The following TFEC variants were observed in gnomAD, a reference collection of about 807,000 sequenced individuals.
The protein encoded by TFEC is transcription factor EC.
In TFEC, 31 loss-of-function variants were observed where a neutral mutation model predicts 41.6. The observed-to-expected ratio is 0.74, with a 90% CI of 0.56 to 1.01. The LOEUF is 1.01. Ranked by LOEUF, TFEC falls within the 50% of genes least tolerant of loss-of-function variation. The pLI, the probability that TFEC is intolerant of heterozygous loss-of-function variation, is 0.00. For synonymous variants in TFEC, 143 were observed against 140.6 expected (o/e 1.02, Z -0.12); for missense variants, 402 against 404.1 (o/e 0.99, Z 0.04).
chr7:115,965,130 T>C (rs566526990), intron 3 of TFEC, among the ~76,000 whole-genome samples: 7 of 151,846 alleles, frequency 4.6e-5, no homozygotes, highest in African/African-American at 1.7e-4. Flanking sequence ...GACGTTGATA[T>C]GAAAGTAATT....
chr7:116,125,143 A>C (rs1798184222), intron 1 of TFEC, among the ~76,000 whole-genome samples: 1 of 152,194 alleles, frequency 6.6e-6, no homozygotes, highest in Admixed American at 6.5e-5. Flanking sequence ...AGAAATGGAC[A>C]GCAGGTACCT....
At chr7:116,061,860 T>C (rs1482313971) in intron 3 of TFEC, among the ~76,000 whole-genome samples, 1 of 152,094 alleles carries the variant, frequency 6.6e-6, no homozygotes, top group Non-Finnish European at 1.5e-5. Flanking sequence ...ATTAGGGAAA[T>C]GCAATTTAAA....
chr7:116,151,238 A>AT (rs5886809), intron 1 of TFEC, among the ~76,000 whole-genome samples: 2,477 of 120,112 alleles, frequency 0.021, 69 homozygotes, highest in South Asian at 0.042. Context: ...ATTATGTCAG[A>AT]TTTTTTTTTT....
intron 7 of TFEC, chr7:115,941,611 A>ATG (rs1489217681): frequency 5.4e-6 from 2 of 372,948 alleles, no homozygotes; most frequent in Non-Finnish European, 9.5e-6. Context: ...GTCATTATAT[A>ATG]TGTGTATATA....
chr7:116,153,644 A>C (rs758744252), intron 1 of TFEC, among the ~76,000 whole-genome samples: 2 of 152,116 alleles, frequency 1.3e-5, no homozygotes, highest in African/African-American at 2.4e-5. Flanking sequence ...GTAGTAATTA[A>C]CAATAATTGG....
At chr7:116,095,385 C>G (rs1797427319) in intron 3 of TFEC, among the ~76,000 whole-genome samples, 1 of 152,156 alleles carries the variant, frequency 6.6e-6, no homozygotes, top group Non-Finnish European at 1.5e-5. Flanking sequence ...GACATTGTAG[C>G]AAATGTGCTA....
At chr7:115,984,644 C>T (rs1793774754) in intron 1 of TFEC, 131 bp from the exon 2 acceptor site, 1 of 1,085,790 alleles carries the variant, frequency 9.2e-7, no homozygotes, top group African/African-American at 1.6e-5. Flanking sequence ...ATCTATCGTC[C>T]ATACTTCTGT....
chr7:116,044,257 C>T (rs1404910149), intron 3 of TFEC, among the ~76,000 whole-genome samples: 1 of 152,104 alleles, frequency 6.6e-6, no homozygotes, highest in East Asian at 1.9e-4. Flanking sequence ...ATGGCCAGAG[C>T]AAGTCTTATA....
At chr7:116,054,466 A>G (rs573965531) in intron 3 of TFEC, among the ~76,000 whole-genome samples, 4 of 152,326 alleles carry the variant, frequency 2.6e-5, no homozygotes, top group African/African-American at 9.6e-5. Flanking sequence ...TGGAAATATT[A>G]TATAGCAGTA....
intron 3 of TFEC, among the ~76,000 whole-genome samples, chr7:116,092,726 A>G (rs1474777036): frequency 6.6e-6 from 1 of 152,128 alleles, no homozygotes; most frequent in Non-Finnish European, 1.5e-5. Flanking sequence ...CAACTACACA[A>G]GGCATATTTC....
chr7:116,062,208 G>GT (rs1371434920), intron 3 of TFEC, among the ~76,000 whole-genome samples: 1 of 124,156 alleles, frequency 8.1e-6, no homozygotes, highest in Non-Finnish European at 1.6e-5. Context: ...CTACAGGCAT[G>GT]TGCCAACATG....
chr7:116,155,935 T>C (rs1197771197), intron 1 of TFEC, among the ~76,000 whole-genome samples: 2 of 152,194 alleles, frequency 1.3e-5, no homozygotes, highest in Admixed American at 6.5e-5. Flanking sequence ...TGATACTTTA[T>C]GCATTACAGA....
intron 3 of TFEC, among the ~76,000 whole-genome samples, chr7:116,102,425 G>C (rs1797625341): frequency 6.6e-6 from 1 of 152,214 alleles, no homozygotes; most frequent in African/African-American, 2.4e-5. Flanking sequence ...GGTAGAGAAA[G>C]ATTGGATAGG....
chr7:116,056,058 G>A (rs939806131), intron 3 of TFEC, among the ~76,000 whole-genome samples: 2 of 151,996 alleles, frequency 1.3e-5, no homozygotes, highest in Non-Finnish European at 2.9e-5. Flanking sequence ...AACCAAGATA[G>A]AGTAATGGGG....
At chr7:116,043,425 G>A (rs937512085) in intron 3 of TFEC, among the ~76,000 whole-genome samples, 2 of 152,076 alleles carry the variant, frequency 1.3e-5, no homozygotes, top group Admixed American at 6.6e-5. Flanking sequence ...ATGGGAATAA[G>A]CTTATGGATG....
chr7:116,055,170 T>G (rs1396988620), intron 3 of TFEC, among the ~76,000 whole-genome samples: 1 of 152,174 alleles, frequency 6.6e-6, no homozygotes, highest in Non-Finnish European at 1.5e-5. Flanking sequence ...CTATGCATTA[T>G]CACAAATCAT....
chr7:116,070,286 T>C, intron 3 of TFEC, among the ~76,000 whole-genome samples: 1 of 151,380 alleles, frequency 6.6e-6, no homozygotes, highest in East Asian at 1.9e-4. Flanking sequence ...AGTATATTCA[T>C]TTATTACTTC....
intron 3 of TFEC, among the ~76,000 whole-genome samples, chr7:116,040,507 T>G (rs1796011654): frequency 6.6e-6 from 1 of 152,194 alleles, no homozygotes; most frequent in African/African-American, 2.4e-5. Flanking sequence ...AAATAGAAAT[T>G]GCAAATATTT....
intron 6 of TFEC, among the ~76,000 whole-genome samples, chr7:115,943,191 C>T (rs968419566): frequency 2.0e-5 from 3 of 151,834 alleles, no homozygotes; most frequent in East Asian, 3.9e-4. Flanking sequence ...TTCTTTAAGG[C>T]TATAATGGCT....
Sources: gnomAD v4.1 joint callset for allele counts (sites outside exome capture counted in the v4.1 genomes callset) on GRCh38, gnomAD v4.1.1 for gene constraint, MANE v1.5 for transcripts, NCBI Gene and HGNC (gene_info 2026-07-23, HGNC 2026-07-21) for gene names.